The following NSD3 variants were observed in gnomAD, a reference collection of about 807,000 sequenced individuals.
The protein encoded by NSD3 is histone-lysine N-methyltransferase NSD3.
A neutral mutation model predicts 160.8 loss-of-function variants in NSD3; 24 were observed. That is an observed-to-expected ratio of 0.15 (90% CI 0.11 to 0.21). The LOEUF (loss-of-function observed/expected upper bound fraction) is 0.21. Ranked by LOEUF, NSD3 falls within the 10% of genes least tolerant of loss-of-function variation. The pLI is 1.00. For synonymous variants in NSD3, 520 were observed against 600.0 expected, an observed-to-expected ratio of 0.87 and a Z score of 1.95; for missense variants, 1,157 against 1,735.9, an observed-to-expected ratio of 0.67 and a Z score of 5.93.
At chr8:38,330,644 T>G (rs1360535947) in intron 5 of NSD3, among the ~76,000 whole-genome samples, 5 of 152,224 alleles carry the variant, frequency 3.3e-5, no homozygotes, top group Admixed American at 2.0e-4. Flanking sequence ...TGTCAAATAT[T>G]CATATATAAA....
intron 19 of NSD3, among the ~76,000 whole-genome samples, chr8:38,283,628 AG>A (rs1226876886): frequency 1.3e-5 from 2 of 152,180 alleles, no homozygotes; most frequent in Non-Finnish European, 2.9e-5. Context: ...TTAAACTAGA[AG>A]GGCCCTAACC....
intron 4 of NSD3, among the ~76,000 whole-genome samples, chr8:38,333,842 C>T (rs1475592763): frequency 1.3e-5 from 2 of 151,944 alleles, no homozygotes; most frequent in African/African-American, 4.8e-5. Context: ...AGTCCGCAGT[C>T]CGGCCTGGGC....
chr8:38,299,700 G>C, intron 14 of NSD3, 110 bp from the exon 15 acceptor site: 2 of 1,110,852 alleles, frequency 1.8e-6, no homozygotes, highest in Non-Finnish European at 2.4e-6. Flanking sequence ...GGGTGGGGAG[G>C]GCGAAAATGA....
intron 1 of NSD3, among the ~76,000 whole-genome samples, chr8:38,356,381 T>C (rs1810824296): frequency 6.6e-6 from 1 of 152,056 alleles, no homozygotes; most frequent in Non-Finnish European, 1.5e-5. Context: ...ATAGAATCCT[T>C]AAGCCAAATC....
chr8:38,311,759 C>A (rs1444657698), intron 12 of NSD3, among the ~76,000 whole-genome samples: 2 of 152,080 alleles, frequency 1.3e-5, no homozygotes, highest in African/African-American at 2.4e-5. Context: ...GTTGATAAGA[C>A]CCTTTGGTGT....
chr8:38,279,842 T>C, intron 20 of NSD3, 161 bp from the exon 21 acceptor site: 1 of 696,890 alleles, frequency 1.4e-6, no homozygotes. Context: ...TACTAAGTTC[T>C]CTCCTTTATT....
chr8:38,274,422 C>T lies in NSD3; in HGVS notation c.*1219G>A, dbSNP rs1249575427. 2 of 152,078 alleles carry T rather than the reference C, an allele frequency of 1.3e-5. No homozygotes were observed. The highest frequency in any genetic ancestry group is 4.8e-5 in the African/African-American group (2 of 41,384). The allele number at this position is 152,078 out of a possible 1,614,324, so 9.4% of individuals were successfully genotyped here. On this transcript the variant is annotated 3_prime_UTR_variant, in exon 24 of 24. Transcript: ENST00000317025. Reference sequence around the variant, plus strand: ...GTGTGTTTGTGTGGCTCTTATGCACCCTGTAAAAGTAGAAGTTCTTCCCCT... The same window carrying T: ...GTGTGTTTGTGTGGCTCTTATGCACTCTGTAAAAGTAGAAGTTCTTCCCCT...
intron 7 of NSD3, 47 bp downstream of exon 7, chr8:38,326,683 A>G: frequency 6.4e-7 from 1 of 1,569,914 alleles, no homozygotes; most frequent in Non-Finnish European, 8.6e-7. Context: ...AGAACAGAAC[A>G]AGGATTTCTC....
At chr8:38,358,255 T>C (rs569334995) in intron 1 of NSD3, among the ~76,000 whole-genome samples, 11 of 152,236 alleles carry the variant, frequency 7.2e-5, no homozygotes, top group Middle Eastern at 3.4e-3. Flanking sequence ...GTATACTTGA[T>C]AGATGTACAT....
At chr8:38,339,545 T>C (rs549669638) in intron 2 of NSD3, among the ~76,000 whole-genome samples, 5 of 152,074 alleles carry the variant, frequency 3.3e-5, no homozygotes, top group Admixed American at 2.0e-4. Context: ...GCCAACATGG[T>C]GAAACCCCGT....
chr8:38,366,403 C>A, intron 1 of NSD3, among the ~76,000 whole-genome samples: 1 of 148,892 alleles, frequency 6.7e-6, no homozygotes, highest in Non-Finnish European at 1.5e-5. Context: ...CAATTATGTT[C>A]ACATCTACTT....
At chr8:38,290,899 A>T (rs1047022375) in intron 16 of NSD3, among the ~76,000 whole-genome samples, 7 of 152,204 alleles carry the variant, frequency 4.6e-5, no homozygotes, top group African/African-American at 1.7e-4. Flanking sequence ...CTTTTAAAAA[A>T]TATTTCATAT....
At position 38,318,909 on chromosome 8, in the gene NSD3, G is replaced by C. The variant is rs374617218; in HGVS notation, c.1841C>G (p.Thr614Ser). 21 of 1,610,942 alleles carry C rather than the reference G, an allele frequency of 1.3e-5. No homozygotes were observed. In the African/African-American group the frequency reaches 2.8e-4, roughly 22 times the overall value. Residue 614 changes from threonine (T) to serine (S), a missense_variant, in exon 9 of 24, where the codon ACT becomes AGT. Physicochemically the swap from Thr to Ser is moderately conservative, Grantham distance 58. This residue lies in a region of NSD3 where 102 missense variants were observed against 126.5 expected (regional missense o/e 0.81). Coordinates refer to ENST00000317025, the MANE Select transcript of NSD3 (RefSeq NM_023034.2). This position sits in a 1 kb window ranked among gnomAD's most constrained non-coding sequence, Gnocchi z 5.3. ...TATTAACTCACCTTTCTGTAATCCA[G>C]TCTTCACTGTAGCCTGAGGAACTGT... Reference protein sequence around the residue: ...VETVPQATVKTGLQKGASEIS... With the variant: ...VETVPQATVKSGLQKGASEIS...
chr8:38,331,398 A>G (rs1372519248), intron 5 of NSD3, 33 bp downstream of exon 5: 3 of 1,530,990 alleles, frequency 2.0e-6, no homozygotes, highest in Non-Finnish European at 2.6e-6. Context: ...TTTAAAAACC[A>G]TACTAGGTAA....
chr8:38,322,050 G>A (rs1377025669), intron 7 of NSD3, among the ~76,000 whole-genome samples: 4 of 152,256 alleles, frequency 2.6e-5, no homozygotes, highest in East Asian at 1.9e-4. Context: ...GACCACCTAC[G>A]TATTCCTTCC....
At chr8:38,292,556 G>A (rs1317573503) in intron 16 of NSD3, among the ~76,000 whole-genome samples, 2 of 151,970 alleles carry the variant, frequency 1.3e-5, no homozygotes, top group Non-Finnish European at 2.9e-5. Context: ...GCCAAGGCGG[G>A]TGTATCACGA....
chr8:38,342,726 C>T (rs1205897033), intron 2 of NSD3, among the ~76,000 whole-genome samples: 1 of 151,822 alleles, frequency 6.6e-6, no homozygotes, highest in Non-Finnish European at 1.5e-5. Flanking sequence ...CGCCACCACG[C>T]CTGGTTGTAT....
chr8:38,289,724 GGAA>G (rs1432869948), intron 17 of NSD3, among the ~76,000 whole-genome samples: 1 of 152,152 alleles, frequency 6.6e-6, no homozygotes, highest in Non-Finnish European at 1.5e-5. Flanking sequence ...GTAGCCACAG[GGAA>G]GAGGCTCTAC....
At chr8:38,291,610 G>A (rs931437511) in intron 16 of NSD3, among the ~76,000 whole-genome samples, 1 of 152,168 alleles carries the variant, frequency 6.6e-6, no homozygotes, top group African/African-American at 2.4e-5. Context: ...TTGAAAACAT[G>A]GGTAAGAATC....
Sources: allele counts gnomAD v4.1 joint callset (sites outside exome capture counted in the v4.1 genomes callset), GRCh38; gene constraint gnomAD v4.1.1; regional missense constraint gnomAD v4.1.1; non-coding constraint Gnocchi (gnomAD v3.1); transcripts MANE v1.5; gene names NCBI Gene and HGNC (gene_info 2026-07-23, HGNC 2026-07-21).